TTC34: variants seen among roughly 807,000 people sequenced by gnomAD.
TTC34 encodes the protein tetratricopeptide repeat domain 34, also known as tetratricopeptide repeat protein 34.
In TTC34, 44 loss-of-function variants were observed where a neutral mutation model predicts 40.7. The ratio of observed to expected loss-of-function variants is 1.08; its 90% CI spans 0.85 to 1.39. The LOEUF (loss-of-function observed/expected upper bound fraction) is 1.39, where lower values mean the gene tolerates loss of function less well. Ranked by LOEUF, TTC34 falls within the 40% of genes most tolerant of loss-of-function variation. TTC34 has a pLI of 0.00. For missense variants in TTC34, 884 were observed against 838.0 expected, an observed-to-expected ratio of 1.05 and a Z score of -0.68; for synonymous variants, 422 against 398.6, an observed-to-expected ratio of 1.06 and a Z score of -0.70.
chr1:2,789,391 C>T (rs1400297610), intron 3 of TTC34, 112 bp downstream of exon 3: 2 of 1,112,372 alleles, frequency 1.8e-6, no homozygotes, highest in East Asian at 3.2e-5. Context: ...GGGAAGTCAC[C>T]AGCCACTGCC....
At chr1:2,790,421 C>A in intron 2 of TTC34, 75 bp from the exon 3 acceptor site, 1 of 397,974 alleles carries the variant, frequency 2.5e-6, no homozygotes, top group Non-Finnish European at 4.4e-6. Flanking sequence ...AAGTCCCCAC[C>A]AGGTCCAGGG....
exon 6 of TTC34, chr1:2,783,666 C>T: frequency 2.0e-6 from 3 of 1,536,824 alleles, no homozygotes; most frequent in Non-Finnish European, 8.8e-7. Context: ...CCTGCACGTT[C>T]CCCGGCTCAG....
At chr1:2,791,948 C>T (rs1643667551) in intron 2 of TTC34, among the ~76,000 whole-genome samples, 1 of 141,848 alleles carries the variant, frequency 7.0e-6, no homozygotes, top group Non-Finnish European at 1.5e-5. Flanking sequence ...GACCCTTCTA[C>T]TGTCGCTAAT....
chr1:2,688,167 C>G (rs200567094), intron 6 of TTC34, among the ~76,000 whole-genome samples: 22 of 65,594 alleles, frequency 3.4e-4, no homozygotes, highest in East Asian at 1.0e-3. Flanking sequence ...GGCACCCACA[C>G]CCCCAGGCGA....
chr1:2,688,404 C>G (rs1257810965), intron 6 of TTC34, among the ~76,000 whole-genome samples: 1 of 151,906 alleles, frequency 6.6e-6, no homozygotes, highest in African/African-American at 2.4e-5. Flanking sequence ...GGAACAGCAC[C>G]CACACCCCCA....
chr1:2,673,323 A>T (rs1639767998), intron 6 of TTC34, among the ~76,000 whole-genome samples: 2 of 72,162 alleles, frequency 2.8e-5, no homozygotes, highest in Non-Finnish European at 6.6e-5. Context: ...CACCCCCAGG[A>T]GAGCATCCGG....
rs1216733644 is a variant in TTC34, at chr1:2,644,440, G to A, written c.2536C>T (p.Leu846=). 3.3e-6 allele frequency: 5 copies of A among 1,535,464 alleles called. No individual in the cohort carries two copies. In the Admixed American group the frequency reaches 9.8e-5, roughly 30 times the overall value. The change falls in exon 8 of 9, where the codon CTG becomes TTG. Residue 846 remains leucine, a synonymous_variant. Transcript: ENST00000401095. ...GCCTCTGACGTTGGGGCACGGTGCAGGGCTTTTTCCAGGTGGGTGCCAGCT... is the reference window on the plus strand; with the variant it reads ...GCCTCTGACGTTGGGGCACGGTGCAAGGCTTTTTCCAGGTGGGTGCCAGCT...
intron 6 of TTC34, among the ~76,000 whole-genome samples, chr1:2,655,104 G>A (rs1472314830): frequency 8.6e-4 from 121 of 141,348 alleles, no homozygotes; most frequent in African/African-American, 2.7e-3. Flanking sequence ...CCCCAGGTGA[G>A]CATCCAACAG....
chr1:2,643,353 C>T (rs1638952010), intron 8 of TTC34, among the ~76,000 whole-genome samples: 1 of 152,196 alleles, frequency 6.6e-6, no homozygotes, highest in African/African-American at 2.4e-5. Context: ...CGCCTCCTGG[C>T]GCCGCAGCCC....
intron 6 of TTC34, among the ~76,000 whole-genome samples, chr1:2,768,108 C>G (rs1300401366): frequency 2.0e-5 from 3 of 151,434 alleles, no homozygotes; most frequent in South Asian, 2.1e-4. Flanking sequence ...GTCTGACAGC[C>G]TAGAGCGGCA....
intron 8 of TTC34, among the ~76,000 whole-genome samples, chr1:2,643,283 T>A (rs1284832035): frequency 1.3e-5 from 2 of 152,182 alleles, no homozygotes; most frequent in Non-Finnish European, 2.9e-5. Context: ...CATTTCCGGG[T>A]GGGTCCCCGT....
chr1:2,793,812 G>A (rs67373773), intron 2 of TTC34, among the ~76,000 whole-genome samples: 53,332 of 151,912 alleles, frequency 0.35, 10,579 homozygotes, highest in Non-Finnish European at 0.45. Flanking sequence ...ATAAACTTCC[G>A]TATTGATTAG....
intron 6 of TTC34, among the ~76,000 whole-genome samples, chr1:2,685,339 G>C (rs376763839): frequency 7.6e-6 from 1 of 132,274 alleles, no homozygotes; most frequent in African/African-American, 3.2e-5. Flanking sequence ...GCATCTGACA[G>C]CCTGGAACGG....
intron 6 of TTC34, among the ~76,000 whole-genome samples, chr1:2,662,373 C>T (rs1371793887): frequency 4.2e-5 from 4 of 95,964 alleles, no homozygotes; most frequent in African/African-American, 1.2e-4. Context: ...AGTTGAGCAA[C>T]TGATGGTCTG....
exon 3 of TTC34, chr1:2,790,082 A>AGCTCGCGGCCCGCAT (rs1553171270): frequency 1.5e-5 from 6 of 397,898 alleles, no homozygotes; most frequent in Non-Finnish European, 2.7e-5. Context: ...CGGGGCCAGC[A>AGCTCGCGGCCCGCAT]GCTCGCGGCC....
exon 9 of TTC34, chr1:2,641,335 C>G: frequency 1.4e-6 from 2 of 1,459,020 alleles, no homozygotes; most frequent in Non-Finnish European, 1.8e-6. Flanking sequence ...TAGGGTGGCC[C>G]CGTGATTAGG....
chr1:2,789,107 A>C (rs1004345912), intron 3 of TTC34, among the ~76,000 whole-genome samples: 1 of 152,076 alleles, frequency 6.6e-6, no homozygotes, highest in South Asian at 2.1e-4. Flanking sequence ...AAAACAAAAC[A>C]AACCAACCCC....
intron 6 of TTC34, among the ~76,000 whole-genome samples, chr1:2,684,712 C>CT (rs1640241694): frequency 7.8e-6 from 1 of 128,694 alleles, no homozygotes; most frequent in African/African-American, 3.5e-5. Context: ...GAACGGCAAC[C>CT]ACACCCCCAG....
chr1:2,775,710 T>A (rs1643085576), intron 6 of TTC34: 1 of 145,830 alleles, frequency 6.9e-6, no homozygotes, highest in Admixed American at 6.7e-5. Context: ...GCAACCCACA[T>A]CCCCAGGTAA....
Sources: allele counts gnomAD v4.1 joint callset (sites outside exome capture counted in the v4.1 genomes callset), GRCh38; gene constraint gnomAD v4.1.1; transcripts MANE v1.5; gene names NCBI Gene and HGNC (gene_info 2026-07-23, HGNC 2026-07-21).